The following SPIDR variants were observed in gnomAD, a reference collection of about 807,000 sequenced individuals.
The protein encoded by SPIDR is scaffold protein involved in DNA repair.
SPIDR carries 93 observed loss-of-function variants against 104.6 expected under a neutral mutation model. The observed-to-expected ratio is 0.89, with a 90% CI of 0.75 to 1.06. SPIDR has a LOEUF of 1.06. Ranked by LOEUF, SPIDR falls within the 50% of genes least tolerant of loss-of-function variation. The probability of loss-of-function intolerance (pLI) is 0.00; values close to 1 mark genes in which losing one functional copy is unlikely to be tolerated. For missense variants in SPIDR, 1,154 were observed against 1,111.2 expected, an observed-to-expected ratio of 1.04 and a Z score of -0.55; for synonymous variants, 431 against 416.9, an observed-to-expected ratio of 1.03 and a Z score of -0.41.
At chr8:47,540,620 C>G (rs1375034536) in intron 8 of SPIDR, among the ~76,000 whole-genome samples, 2 of 152,138 alleles carry the variant, frequency 1.3e-5, no homozygotes, top group Non-Finnish European at 1.5e-5. Context: ...CCAAGGCATG[C>G]TTCTAATCTG....
intron 5 of SPIDR, among the ~76,000 whole-genome samples, chr8:47,393,995 C>T (rs542744477): frequency 6.6e-6 from 1 of 152,070 alleles, no homozygotes; most frequent in African/African-American, 2.4e-5. Flanking sequence ...ACCTCCACCT[C>T]CCAGGGTCTA....
intron 7 of SPIDR, among the ~76,000 whole-genome samples, chr8:47,435,024 C>G (rs2068035129): frequency 6.6e-6 from 1 of 151,710 alleles, no homozygotes; most frequent in African/African-American, 2.4e-5. Flanking sequence ...GAGTCAGGTA[C>G]TTGACTAGGG....
intron 11 of SPIDR, among the ~76,000 whole-genome samples, chr8:47,682,162 G>A (rs369809927): frequency 8.6e-5 from 13 of 150,776 alleles, no homozygotes; most frequent in East Asian, 7.8e-4. Context: ...CATGAAATGG[G>A]CCATAAAAGA....
chr8:47,573,529 C>T (rs186760712), intron 8 of SPIDR, among the ~76,000 whole-genome samples: 3 of 152,258 alleles, frequency 2.0e-5, no homozygotes, highest in Admixed American at 2.0e-4. Flanking sequence ...AACATGATGT[C>T]GGAGACCAGG....
intron 8 of SPIDR, among the ~76,000 whole-genome samples, chr8:47,519,123 T>TTTA (rs1554765887): frequency 1.3e-5 from 2 of 150,982 alleles, no homozygotes; most frequent in African/African-American, 4.9e-5. Flanking sequence ...GGCTATGTGT[T>TTTA]TTGTTGTTGT....
At chr8:47,299,076 C>T (rs1417318491) in intron 5 of SPIDR, among the ~76,000 whole-genome samples, 3 of 152,142 alleles carry the variant, frequency 2.0e-5, no homozygotes, top group African/African-American at 4.8e-5. Context: ...TTGACTCTTC[C>T]TACCCATGAG....
chr8:47,496,581 T>A (rs895828607), intron 8 of SPIDR, among the ~76,000 whole-genome samples: 6 of 152,152 alleles, frequency 3.9e-5, no homozygotes, highest in African/African-American at 7.2e-5. Flanking sequence ...TATGTGTTGC[T>A]GGATTTGGTT....
At position 47,332,946 on chromosome 8, in the gene SPIDR, A is replaced by G. The variant is rs1554605585; in HGVS notation, c.525+38916A>G. ...TTGCAAAAATTTTCTCCCATGTTGT[A>G]GGTTGCCTGTTCACTCTGATGGTAG... is the stretch of plus-strand genomic sequence containing the variant. On this transcript the variant is annotated intron_variant, in intron 5 of 19. Transcript: ENST00000297423. 6.1e-5 allele frequency among the ~76,000 whole-genome samples: 9 copies of G among 146,946 alleles called. No homozygotes were observed. In the South Asian group the frequency reaches 2.0e-3, roughly 33 times the overall value.
chr8:47,640,336 G>C (rs141683684), intron 10 of SPIDR, among the ~76,000 whole-genome samples: 1 of 152,274 alleles, frequency 6.6e-6, no homozygotes, highest in African/African-American at 2.4e-5. Flanking sequence ...GAGTTAGGAA[G>C]GCCCATAGAA....
intron 5 of SPIDR, among the ~76,000 whole-genome samples, chr8:47,393,708 CT>C (rs1254404658): frequency 1.5e-5 from 2 of 131,034 alleles, no homozygotes; most frequent in East Asian, 2.2e-4. Flanking sequence ...CTTTCCTTTC[CT>C]TTCCTTTCCT....
At chr8:47,347,264 A>G (rs1480315460) in intron 5 of SPIDR, among the ~76,000 whole-genome samples, 2 of 152,150 alleles carry the variant, frequency 1.3e-5, no homozygotes, top group Non-Finnish European at 1.5e-5. Context: ...GTTTTGAGTG[A>G]GTTTCTTAAT....
At chr8:47,405,999 T>G (rs1200307751) in intron 6 of SPIDR, among the ~76,000 whole-genome samples, 5 of 152,086 alleles carry the variant, frequency 3.3e-5, no homozygotes, top group Non-Finnish European at 5.9e-5. Flanking sequence ...TGTTTACTGT[T>G]GCTTTTACCT....
chr8:47,559,162 A>G (rs2056753605), intron 8 of SPIDR, among the ~76,000 whole-genome samples: 1 of 152,226 alleles, frequency 6.6e-6, no homozygotes, highest in South Asian at 2.1e-4. Context: ...AGTCAACTGT[A>G]TAATATAAAA....
At chr8:47,495,376 C>T (rs1425873249) in intron 8 of SPIDR, among the ~76,000 whole-genome samples, 1 of 150,088 alleles carries the variant, frequency 6.7e-6, no homozygotes. Context: ...AGCTGCTTTA[C>T]CCCCTCCCAC....
At chr8:47,512,140 G>A (rs758663122) in intron 8 of SPIDR, 39 of 439,776 alleles carry the variant, frequency 8.9e-5, no homozygotes, top group Non-Finnish European at 1.5e-4. Flanking sequence ...TTGCTCCGCT[G>A]CCGTCTTCAT....
chr8:47,539,799 G>C (rs183253143), intron 8 of SPIDR, among the ~76,000 whole-genome samples: 1 of 151,926 alleles, frequency 6.6e-6, no homozygotes, highest in East Asian at 1.9e-4. Context: ...GTTGGTTTGA[G>C]TGCTTGTTGT....
chr8:47,428,655 G>A (rs184806400), intron 7 of SPIDR, among the ~76,000 whole-genome samples: 87 of 152,096 alleles, frequency 5.7e-4, no homozygotes, highest in African/African-American at 1.9e-3. Context: ...CGAATAACAC[G>A]GATTAAAGAA....
chr8:47,542,994 C>G (rs898597249), intron 8 of SPIDR, among the ~76,000 whole-genome samples: 9 of 152,186 alleles, frequency 5.9e-5, no homozygotes, highest in African/African-American at 1.4e-4. Context: ...TCTGGAGATT[C>G]ATCCCAGTTG....
intron 19 of SPIDR, among the ~76,000 whole-genome samples, chr8:47,733,845 A>G (rs1248725306): frequency 6.6e-6 from 1 of 152,068 alleles, no homozygotes; most frequent in Non-Finnish European, 1.5e-5. Context: ...GCCTGTCTTG[A>G]CCAGTGACAC....
Sources: gnomAD v4.1 joint callset for allele counts (sites outside exome capture counted in the v4.1 genomes callset) on GRCh38, gnomAD v4.1.1 for gene constraint, MANE v1.5 for transcripts, NCBI Gene and HGNC (gene_info 2026-07-23, HGNC 2026-07-21) for gene names.